The following AGAP1 variants were observed in gnomAD, a reference collection of about 807,000 sequenced individuals.
The protein encoded by AGAP1 is ArfGAP with GTPase domain, ankyrin repeat and PH domain 1.
Under a neutral mutation model 105.3 loss-of-function variants are expected in AGAP1, and 29 were observed. The observed-to-expected ratio is 0.28, with a 90% CI of 0.21 to 0.38. The LOEUF (loss-of-function observed/expected upper bound fraction) is 0.38, where lower values mean the gene tolerates loss of function less well. AGAP1 is among the 10% of genes least tolerant of loss of function. The probability of loss-of-function intolerance (pLI) is 1.00; values close to 1 mark genes in which losing one functional copy is unlikely to be tolerated. For synonymous variants in AGAP1, 509 were observed against 485.9 expected (o/e 1.05, Z -0.63); for missense variants, 998 against 1,165.1 (o/e 0.86, Z 2.09).
chr2:235,764,598 G>A (rs546518692), intron 6 of AGAP1, among the ~76,000 whole-genome samples: 2 of 152,326 alleles, frequency 1.3e-5, no homozygotes, highest in South Asian at 4.1e-4. Context: ...CCTTATCTCT[G>A]CTGCGTCCTG....
intron 1 of AGAP1, among the ~76,000 whole-genome samples, chr2:235,649,591 C>T (rs1001442718): frequency 1.3e-5 from 2 of 152,150 alleles, no homozygotes; most frequent in Non-Finnish European, 2.9e-5. Context: ...AGGCTGGCCT[C>T]AGACTCGTGG....
At chr2:235,629,979 T>G (rs893058490) in intron 1 of AGAP1, among the ~76,000 whole-genome samples, 3 of 152,058 alleles carry the variant, frequency 2.0e-5, no homozygotes, top group African/African-American at 7.2e-5. Flanking sequence ...AATTAAAGTA[T>G]CATCTTCAAA....
chr2:236,015,663 G>C (rs964458460), intron 13 of AGAP1, among the ~76,000 whole-genome samples: 1 of 152,068 alleles, frequency 6.6e-6, no homozygotes, highest in Non-Finnish European at 1.5e-5. Flanking sequence ...CGGGGGCATC[G>C]GGCGTGTGAT....
rs936526778 is a variant in AGAP1 at position 235,889,348 on chromosome 2, G to T, written c.1155+5899G>T. 2.6e-5 allele frequency among the ~76,000 whole-genome samples: 4 copies of T among 152,088 alleles called. No homozygotes were observed. The highest frequency in any genetic ancestry group is 6.5e-5 in the Admixed American group (1 of 15,278). On this transcript the variant is annotated intron_variant, in intron 10 of 17. Coordinates refer to ENST00000304032, the MANE Select transcript of AGAP1 (RefSeq NM_001037131.3). This position sits in a 1 kb window ranked among gnomAD's most constrained non-coding sequence, Gnocchi z 4.6. ...GAGGCTGAAAATGTACCTAGAATGG[G>T]TCGGCTGCCTGGGAACCTCACGAAT...
intron 1 of AGAP1, among the ~76,000 whole-genome samples, chr2:235,548,478 A>AC (rs1451790478): frequency 3.3e-5 from 5 of 152,062 alleles, no homozygotes; most frequent in Admixed American, 2.0e-4. Context: ...ACATGGTGAA[A>AC]CCCCGTCTCT....
rs2125153489 is a variant in AGAP1 at position 235,931,006 on chromosome 2, G to A, written c.1483+83G>A. ...CCAGGGGCTGGACAGGACGCCCTAA[G>A]CTCTCATGCTCCTCTGGGAGCGCAG... On this transcript the variant is annotated intron_variant, in intron 12 of 17. Transcript: ENST00000304032. The surrounding 1 kb of genome is among the most constrained non-coding windows in gnomAD (Gnocchi z 5.6). The A allele has an allele frequency of 1.4e-6, 2 of 1,479,892 alleles. No homozygotes were observed. Among genetic ancestry groups the A allele is most frequent in the Non-Finnish European group, 9.1e-7 (1 of 1,103,208 alleles). The allele number at this position is 1,479,892 out of a possible 1,614,324, so 91.7% of individuals were successfully genotyped here.
chr2:235,817,792 G>C (rs1244838763), intron 9 of AGAP1, among the ~76,000 whole-genome samples: 1 of 152,184 alleles, frequency 6.6e-6, no homozygotes, highest in Non-Finnish European at 1.5e-5. Context: ...TCGGGAGCCT[G>C]AGGCAGGAGA....
intron 6 of AGAP1, among the ~76,000 whole-genome samples, chr2:235,764,463 ACAT>A (rs1415972801): frequency 2.6e-5 from 4 of 152,186 alleles, no homozygotes; most frequent in Non-Finnish European, 4.4e-5. Flanking sequence ...CACCTAAAGC[ACAT>A]CCCCCCCACT....
intron 1 of AGAP1, among the ~76,000 whole-genome samples, chr2:235,580,900 T>G (rs1944908816): frequency 6.6e-6 from 1 of 151,968 alleles, no homozygotes; most frequent in South Asian, 2.1e-4. Context: ...AATGTGGCCC[T>G]GCTCCTTGTA....
chr2:235,864,054 G>A lies in AGAP1; in HGVS notation c.1051-19291G>A, dbSNP rs1041559647. Among the ~76,000 whole-genome samples the A allele has an allele frequency of 2.6e-5, 4 of 152,182 alleles. No homozygotes were observed. Among genetic ancestry groups the A allele is most frequent in the African/African-American group, 9.7e-5 (4 of 41,450 alleles). ...ACTTCATAGCTTGCCTGGTGTGCTC[G>A]GTTTTGACTCTATAGATCTGACTTG... On this transcript the variant is annotated intron_variant, in intron 9 of 17. Coordinates refer to ENST00000304032, the MANE Select transcript of AGAP1 (RefSeq NM_001037131.3). The surrounding 1 kb of genome is among the most constrained non-coding windows in gnomAD (Gnocchi z 5.0).
At chr2:235,894,458 C>T (rs188394217) in intron 10 of AGAP1, among the ~76,000 whole-genome samples, 34 of 152,300 alleles carry the variant, frequency 2.2e-4, no homozygotes, top group Admixed American at 1.4e-3. Flanking sequence ...AGAACCTTGA[C>T]GTGTAGATAC....
rs3754660 is a variant in AGAP1 at position 235,737,366 on chromosome 2, C to A, written c.311-3597C>A. ...ACTGTTAATTATACTCTGTATCTGC[C>A]GGGGGAATGTAAACTGACTTTAGGA... On this transcript the variant is annotated intron_variant, in intron 3 of 17. Coordinates refer to ENST00000304032, the MANE Select transcript of AGAP1 (RefSeq NM_001037131.3). The surrounding 1 kb of genome is among the most constrained non-coding windows in gnomAD (Gnocchi z 4.5). Among the ~76,000 whole-genome samples, 1 of 152,096 alleles carries A rather than the reference C, an allele frequency of 6.6e-6. No homozygotes were observed. The highest frequency in any genetic ancestry group is 1.9e-4 in the East Asian group (1 of 5,198).
chr2:235,692,451 C>T lies in AGAP1; in HGVS notation c.164-16728C>T, dbSNP rs1159763155. On this transcript the variant is annotated intron_variant, in intron 1 of 17. Coordinates refer to ENST00000304032, the MANE Select transcript of AGAP1 (RefSeq NM_001037131.3). This position sits in a 1 kb window ranked among gnomAD's most constrained non-coding sequence, Gnocchi z 5.8. ...CAGCTAGAAAATGTGACCCATGTTG[C>T]CAACTCCCAAAAGCCACCAGGTGAC... Among the ~76,000 whole-genome samples, 1 of 152,146 alleles carries T rather than the reference C, an allele frequency of 6.6e-6. No homozygotes were observed. The highest frequency in any genetic ancestry group is 1.5e-5 in the Non-Finnish European group (1 of 68,020).
rs1946986040 is a variant in AGAP1 at position 235,635,993 on chromosome 2, A to G, written c.164-73186A>G. Among the ~76,000 whole-genome samples the G allele has an allele frequency of 6.6e-6, 1 of 151,992 alleles. No homozygotes were observed. The highest frequency in any genetic ancestry group is 2.1e-4 in the South Asian group (1 of 4,816). On this transcript the variant is annotated intron_variant, in intron 1 of 17. Coordinates refer to ENST00000304032, the MANE Select transcript of AGAP1 (RefSeq NM_001037131.3). This position sits in a 1 kb window ranked among gnomAD's most constrained non-coding sequence, Gnocchi z 5.3. ...CTGGGCATGGGGGTGCATGCCTGTA[A>G]TCCCAGCTACTTGGGAGGCTGAGGC...
At position 235,689,099 on chromosome 2, in the gene AGAP1, A is replaced by G. The variant is rs529015278; in HGVS notation, c.164-20080A>G. On this transcript the variant is annotated intron_variant, in intron 1 of 17. Transcript: ENST00000304032. The surrounding 1 kb of genome is among the most constrained non-coding windows in gnomAD (Gnocchi z 4.2). ...AGGAGACATCTACGTATACGTATTT[A>G]TAGAGCAATGAAGAAATAAGCCCAA... 4.6e-5 allele frequency among the ~76,000 whole-genome samples: 7 copies of G among 152,334 alleles called. No individual in the cohort carries two copies. Among genetic ancestry groups the G allele is most frequent in the Non-Finnish European group, 1.0e-4 (7 of 68,032 alleles).
chr2:235,759,363 C>A (rs2317001), intron 6 of AGAP1, among the ~76,000 whole-genome samples: 2 of 150,968 alleles, frequency 1.3e-5, no homozygotes, highest in Admixed American at 6.6e-5. Context: ...TAGAGACGGG[C>A]TTTCACCGTG....
rs960128195 is a variant in AGAP1, at chr2:236,105,255, C to G, written c.2115-14937C>G. Among the ~76,000 whole-genome samples, 18 of 152,056 alleles carry G rather than the reference C, an allele frequency of 1.2e-4. No homozygotes were observed. The highest frequency in any genetic ancestry group is 3.9e-4 in the East Asian group (2 of 5,182). On this transcript the variant is annotated intron_variant, in intron 16 of 17. Transcript: ENST00000304032. This position sits in a 1 kb window ranked among gnomAD's most constrained non-coding sequence, Gnocchi z 4.2. Reference sequence around the variant, plus strand: ...ATCCAAAACATCCCACTTTAAGAACCCTGCATGCACACAGTCTTGCGTCAA... The same window carrying G: ...ATCCAAAACATCCCACTTTAAGAACGCTGCATGCACACAGTCTTGCGTCAA...
intron 1 of AGAP1, among the ~76,000 whole-genome samples, chr2:235,667,297 C>T (rs969406663): frequency 6.6e-6 from 1 of 152,080 alleles, no homozygotes; most frequent in African/African-American, 2.4e-5. Flanking sequence ...AATAAATGAA[C>T]CAATAGAAAA....
chr2:235,637,950 C>T (rs1456240771), intron 1 of AGAP1, among the ~76,000 whole-genome samples: 4 of 152,122 alleles, frequency 2.6e-5, no homozygotes, highest in African/African-American at 9.7e-5. Flanking sequence ...TCTTTGGGTC[C>T]TCAGTGGATT....
Sources: gnomAD v4.1 joint callset for allele counts (sites outside exome capture counted in the v4.1 genomes callset) on GRCh38, gnomAD v4.1.1 for gene constraint, Gnocchi (gnomAD v3.1) non-coding constraint, MANE v1.5 for transcripts, NCBI Gene and HGNC (gene_info 2026-07-23, HGNC 2026-07-21) for gene names.